ZNF407: variants seen among roughly 807,000 people sequenced by gnomAD.
ZNF407 encodes the protein zinc finger protein 407.
A neutral mutation model predicts 131.2 loss-of-function variants in ZNF407; 17 were observed. The ratio of observed to expected loss-of-function variants is 0.13; its 90% confidence interval spans 0.09 to 0.19. ZNF407 has a LOEUF of 0.19. Ranked by LOEUF, ZNF407 falls within the 10% of genes least tolerant of loss-of-function variation. ZNF407 has a pLI of 1.00. For synonymous variants in ZNF407, 1,156 were observed against 1,062.0 expected (o/e 1.09, Z -1.72); for missense variants, 2,681 against 2,830.6 (o/e 0.95, Z 1.20).
At chr18:74,988,678 TAGC>T (rs1972682655) in intron 8 of ZNF407, among the ~76,000 whole-genome samples, 1 of 151,630 alleles carries the variant, frequency 6.6e-6, no homozygotes, top group Admixed American at 6.6e-5. Flanking sequence ...ACAAAAAAAA[TAGC>T]AGAAGACAAT....
chr18:74,781,228 C>G (rs1374191088), intron 3 of ZNF407, among the ~76,000 whole-genome samples, 200 bp from the exon 4 acceptor site: 1 of 152,070 alleles, frequency 6.6e-6, no homozygotes, highest in African/African-American at 2.4e-5. Flanking sequence ...AAAACTGAAC[C>G]AGTCAATTTA....
At chr18:74,997,621 C>G (rs896563862) in intron 8 of ZNF407, among the ~76,000 whole-genome samples, 4 of 152,148 alleles carry the variant, frequency 2.6e-5, no homozygotes, top group African/African-American at 7.2e-5. Flanking sequence ...TTTAAAATCA[C>G]CCCTCTGCAC....
At chr18:74,627,411 TC>T (rs759911832) in intron 1 of ZNF407, among the ~76,000 whole-genome samples, 1 of 152,218 alleles carries the variant, frequency 6.6e-6, no homozygotes, top group Non-Finnish European at 1.5e-5. Context: ...CTTTCTTTCT[TC>T]CTTTCCTCCC....
chr18:74,616,967 G>GCACCACACACATCCATATCCACA (rs1983326402), intron 1 of ZNF407, among the ~76,000 whole-genome samples: 1 of 3,744 alleles, frequency 2.7e-4, no homozygotes, highest in Non-Finnish European at 5.2e-4. Context: ...CCATATCCAC[G>GCACCACACACATCCATATCCACA]CACCACACAC....
At position 74,632,126 on chromosome 18, in the gene ZNF407, T is replaced by C. The variant is rs767443149; in HGVS notation, c.1107T>C (p.Leu369=). 2 of 1,614,034 alleles carry C rather than the reference T, an allele frequency of 1.2e-6. No homozygotes were observed. The highest frequency in any genetic ancestry group is 1.7e-6 in the Non-Finnish European group (2 of 1,179,896). Residue 369 remains leucine, a synonymous_variant, in exon 2 of 9, where the codon CTT becomes CTC. Coordinates refer to ENST00000299687, the MANE Select transcript of ZNF407 (RefSeq NM_017757.3). The stretch of plus-strand genomic sequence containing the variant: ...TTGTTGAAGAACATGTTACTTCCCT[T>C]GGTCTAGCTCAGAATCCTGAAAACC... ...VEIVEEHVTS[L]GLAQNPENQS...
intron 3 of ZNF407, among the ~76,000 whole-genome samples, chr18:74,658,812 C>T (rs1985590480): frequency 6.6e-6 from 1 of 152,090 alleles, no homozygotes; most frequent in African/African-American, 2.4e-5. Context: ...ACCAAGTAGA[C>T]ATTTATTCAA....
At chr18:74,902,309 G>A (rs1166567302) in intron 7 of ZNF407, among the ~76,000 whole-genome samples, 2 of 152,218 alleles carry the variant, frequency 1.3e-5, no homozygotes, top group South Asian at 2.1e-4. Context: ...GCGCACAGCA[G>A]TTATTCAAGT....
intron 8 of ZNF407, among the ~76,000 whole-genome samples, chr18:74,951,797 AATAAG>A (rs1238931759): frequency 2.6e-5 from 4 of 152,240 alleles, no homozygotes; most frequent in Admixed American, 2.0e-4. Flanking sequence ...TGAAAAGTAA[AATAAG>A]ATAATTTCTA....
chr18:74,815,034 A>G (rs1469212568), intron 4 of ZNF407, among the ~76,000 whole-genome samples: 2 of 150,724 alleles, frequency 1.3e-5, no homozygotes, highest in Non-Finnish European at 2.9e-5. Context: ...TTATAAAGAA[A>G]TAAAAGTTTA....
At chr18:74,979,612 A>T (rs1972566002) in intron 8 of ZNF407, among the ~76,000 whole-genome samples, 1 of 152,244 alleles carries the variant, frequency 6.6e-6, no homozygotes, top group African/African-American at 2.4e-5. Context: ...TTTTTAATGT[A>T]TGATGAATTC....
At chr18:74,746,061 A>C (rs1234373170) in intron 3 of ZNF407, among the ~76,000 whole-genome samples, 1 of 152,202 alleles carries the variant, frequency 6.6e-6, no homozygotes, top group African/African-American at 2.4e-5. Flanking sequence ...GATAGAGCCT[A>C]CCACACACCT....
chr18:74,846,409 G>A (rs1970703988), intron 4 of ZNF407, among the ~76,000 whole-genome samples: 1 of 150,866 alleles, frequency 6.6e-6, no homozygotes, highest in Non-Finnish European at 1.5e-5. Flanking sequence ...GTGCTATCTC[G>A]GCTCACTGCA....
intron 8 of ZNF407, among the ~76,000 whole-genome samples, chr18:74,941,386 C>T (rs1325697783): frequency 6.6e-6 from 1 of 152,064 alleles, no homozygotes; most frequent in Non-Finnish European, 1.5e-5. Context: ...GCAGGAGGGG[C>T]ATACTGGGTG....
Position 74,632,035 on chromosome 18 carries a change from G to A in ZNF407, c.1016G>A (p.Gly339Asp), listed in dbSNP as rs745528057. The change falls in exon 2 of 9, where the codon GGT (glycine) becomes GAT (aspartate). Residue 339 changes from glycine (G) to aspartate (D), a missense_variant. Physicochemically the swap from Gly to Asp is moderately conservative, Grantham distance 94. Around this residue, in one of 6 missense-constraint regions of ZNF407, gnomAD observed 1,789 missense variants for 1,748.7 expected, o/e 1.02. Coordinates refer to ENST00000299687, the MANE Select transcript of ZNF407 (RefSeq NM_017757.3). ...AGAGGAAGTATTTCTAAACAAAGTG[G>A]TAGTAGCAGTGAGCTTCTTGTTGAA... Reference protein sequence around the residue: ...DFRGSISKQSGSSSELLVEMM... With the variant: ...DFRGSISKQSDSSSELLVEMM... The A allele has an allele frequency of 1.2e-6, 2 of 1,613,802 alleles. No homozygotes were observed. The highest frequency in any genetic ancestry group is 1.7e-6 in the Non-Finnish European group (2 of 1,179,848).
chr18:74,670,133 A>C (rs1219926233), intron 3 of ZNF407, among the ~76,000 whole-genome samples: 2 of 152,204 alleles, frequency 1.3e-5, no homozygotes, highest in Non-Finnish European at 2.9e-5. Context: ...TCACCGTGCC[A>C]GGCATTGGGG....
intron 3 of ZNF407, among the ~76,000 whole-genome samples, chr18:74,711,288 T>G (rs913867421): frequency 6.6e-6 from 1 of 152,172 alleles, no homozygotes; most frequent in Non-Finnish European, 1.5e-5. Context: ...ACTACATTAT[T>G]TTGCCTGGCA....
intron 8 of ZNF407, among the ~76,000 whole-genome samples, chr18:75,040,990 T>C (rs1331962803): frequency 6.6e-6 from 1 of 152,166 alleles, no homozygotes; most frequent in Non-Finnish European, 1.5e-5. Flanking sequence ...GGCAAGCAGT[T>C]CTGAAGGGAA....
In ZNF407 at chr18:74,632,435, T is replaced by C. The variant is rs756482115; in HGVS notation, c.1416T>C (p.Asp472=). The change falls in exon 2 of 9, where the codon GAT becomes GAC. Residue 472 remains aspartate, a synonymous_variant. Coordinates refer to ENST00000299687, the MANE Select transcript of ZNF407 (RefSeq NM_017757.3). ...TGAGAACACAGATGAAAACACACGA[T>C]GCAGAATCAGTGCTGAAACACCTGG... is the stretch of plus-strand genomic sequence containing the variant. ...KHLRTQMKTH[D]AESVLKHLEA... The C allele has an allele frequency of 8.7e-6, 14 of 1,614,016 alleles. No individual in the cohort carries two copies. The highest frequency in any genetic ancestry group is 4.4e-5 in the South Asian group (4 of 91,080).
chr18:74,780,282 T>G (rs1265934059), intron 3 of ZNF407, among the ~76,000 whole-genome samples: 1 of 152,196 alleles, frequency 6.6e-6, no homozygotes, highest in African/African-American at 2.4e-5. Flanking sequence ...ATTAGACATT[T>G]AGACATGAAA....
Sources: allele counts gnomAD v4.1 joint callset (sites outside exome capture counted in the v4.1 genomes callset), GRCh38; gene constraint gnomAD v4.1.1; regional missense constraint gnomAD v4.1.1; transcripts MANE v1.5; gene names NCBI Gene and HGNC (gene_info 2026-07-23, HGNC 2026-07-21).